The following PCDHGA10 variants were observed in gnomAD, a reference collection of about 807,000 sequenced individuals.
The protein encoded by PCDHGA10 is protocadherin gamma subfamily A, 10.
A neutral mutation model predicts 59.5 loss-of-function variants in PCDHGA10; 42 were observed. The ratio of observed to expected loss-of-function variants is 0.71; its 90% CI spans 0.55 to 0.91. The LOEUF is 0.91. Among genes scored for constraint, PCDHGA10 ranks in the 40% least tolerant of loss-of-function variants. The pLI is 0.00. For missense variants in PCDHGA10, 1,111 were observed against 1,198.2 expected (o/e 0.93, Z 1.07); for synonymous variants, 511 against 517.2 (o/e 0.99, Z 0.16).
chr5:141,449,256 A>C (rs929920180), intron 1 of PCDHGA10, among the ~76,000 whole-genome samples: 5 of 152,176 alleles, frequency 3.3e-5, no homozygotes, highest in Non-Finnish European at 5.9e-5. Context: ...CAAGAATTGT[A>C]CAAAGAACTG....
At chr5:141,475,959 A>T (rs963363028) in intron 1 of PCDHGA10, 15 of 817,720 alleles carry the variant, frequency 1.8e-5, no homozygotes, top group East Asian at 2.6e-5. Context: ...GCGCCCCGGG[A>T]TGAGGCAGAG....
At chr5:141,461,388 A>T (rs1025976806) in intron 1 of PCDHGA10, among the ~76,000 whole-genome samples, 5 of 152,164 alleles carry the variant, frequency 3.3e-5, no homozygotes, top group Admixed American at 6.5e-5. Context: ...CCTGATGATT[A>T]GCGATGTTGA....
intron 1 of PCDHGA10, chr5:141,423,051 C>T (rs200022455): frequency 1.7e-5 from 28 of 1,614,084 alleles, no homozygotes; most frequent in Non-Finnish European, 2.3e-5. Context: ...TGTCCTATCG[C>T]CTGCTTAAGG....
rs756549446 is a variant in PCDHGA10 at position 141,477,301 on chromosome 5, C to G, written c.2437-17506C>G. 32 of 1,614,042 alleles carry G rather than the reference C, an allele frequency of 2.0e-5. 2 individuals carry two copies. In the South Asian group the frequency reaches 3.4e-4, roughly 17 times the overall value. On this transcript the variant is annotated intron_variant, in intron 1 of 3. Coordinates refer to ENST00000398610, the MANE Select transcript of PCDHGA10 (RefSeq NM_018913.3). The surrounding 1 kb of genome is among the most constrained non-coding windows in gnomAD (Gnocchi z 4.9). The stretch of plus-strand genomic sequence containing the variant: ...TGACCTGCGAAGTTCCACCGGGTCT[C>G]CCTTTCAGCCTTACTTCTTCCCTCA...
chr5:141,495,384 C>A (rs2099760896), intron 2 of PCDHGA10, among the ~76,000 whole-genome samples: 1 of 152,190 alleles, frequency 6.6e-6, no homozygotes, highest in African/African-American at 2.4e-5. Flanking sequence ...AAGGACTGGG[C>A]GGGGCATGGA....
In PCDHGA10 at chr5:141,414,969, G is replaced by A. The variant is rs764972439; in HGVS notation, c.1794G>A (p.Val598=). 12 of 1,613,954 alleles carry A rather than the reference G, an allele frequency of 7.4e-6. No individual in the cohort carries two copies. Among genetic ancestry groups the A allele is most frequent in the South Asian group, 1.1e-5 (1 of 91,078 alleles). ...ACCTGGTGACCAAGGTGGTGGCGGTGGACAGAGACTCCGGCCAGAACGCCT... is the reference window on the plus strand; with the variant it reads ...ACCTGGTGACCAAGGTGGTGGCGGTAGACAGAGACTCCGGCCAGAACGCCT... ...PGYLVTKVVA[V]DRDSGQNAWL... is the part of the protein sequence containing the mutation. The change falls in exon 1 of 4, where the codon GTG becomes GTA. Residue 598 remains valine (V), a synonymous_variant. Transcript: ENST00000398610.
intron 1 of PCDHGA10, among the ~76,000 whole-genome samples, chr5:141,433,680 A>G (rs570459317): frequency 1.3e-5 from 2 of 152,236 alleles, no homozygotes; most frequent in African/African-American, 4.8e-5. Context: ...TACTAAAAAA[A>G]TACAAAATTA....
intron 1 of PCDHGA10, among the ~76,000 whole-genome samples, chr5:141,480,874 G>A (rs1487409799): frequency 2.6e-5 from 4 of 151,950 alleles, no homozygotes; most frequent in African/African-American, 7.3e-5. Context: ...GTGAAACCCC[G>A]TCTCTACTAA....
intron 1 of PCDHGA10, chr5:141,416,401 T>C (rs2096020867): frequency 6.6e-6 from 1 of 152,204 alleles, no homozygotes; most frequent in African/African-American, 2.4e-5. Context: ...TGCTTTTGTC[T>C]TTTTTGTTAA....
At chr5:141,419,023 A>T (rs768427376) in intron 1 of PCDHGA10, 2 of 1,613,958 alleles carry the variant, frequency 1.2e-6, no homozygotes, top group Non-Finnish European at 1.7e-6. Flanking sequence ...GCTTAAGTAG[A>T]GGTGTTCCAT....
intron 1 of PCDHGA10, chr5:141,421,959 A>T: frequency 6.2e-7 from 1 of 1,612,798 alleles, no homozygotes; most frequent in Non-Finnish European, 8.5e-7. Flanking sequence ...CAATGTTTAC[A>T]CAGTCCGTAT....
chr5:141,500,444 C>T (rs1032064705), intron 2 of PCDHGA10, among the ~76,000 whole-genome samples: 3 of 151,370 alleles, frequency 2.0e-5, no homozygotes, highest in African/African-American at 4.9e-5. Context: ...CTCCTGACCT[C>T]GTGATCCGCC....
chr5:141,489,084 C>G lies in PCDHGA10; in HGVS notation c.2437-5723C>G. ...CTCCCCCCTGCCCACCCCCGCCACT[C>G]GGTGACTAAGAACTGCTGCAAGCAG... On this transcript the variant is annotated intron_variant, in intron 1 of 3. Transcript: ENST00000398610. This position sits in a 1 kb window ranked among gnomAD's most constrained non-coding sequence, Gnocchi z 4.5. 6.1e-6 allele frequency: 2 copies of G among 329,126 alleles called. No homozygotes were observed. The highest frequency in any genetic ancestry group is 2.5e-5 in the African/African-American group (1 of 40,384). 20.4% of individuals were successfully genotyped at this position (329,126 alleles called of 1,614,324 possible). A position where few individuals can be genotyped will look rare whatever the true frequency, so the allele number is the denominator to read the frequency against.
chr5:141,427,807 A>T (rs1443881781), intron 1 of PCDHGA10: 2 of 1,521,932 alleles, frequency 1.3e-6, no homozygotes, highest in East Asian at 2.3e-5. Flanking sequence ...GTGAGCGCAC[A>T]GAGCGGGGTG....
At chr5:141,494,648 T>G in intron 1 of PCDHGA10, 159 bp from the exon 2 acceptor site, 1 of 946,506 alleles carries the variant, frequency 1.1e-6, no homozygotes, top group Non-Finnish European at 1.3e-6. Flanking sequence ...ACCTGAGGTG[T>G]ATTTTGTCTT....
chr5:141,491,747 G>C lies in PCDHGA10; in HGVS notation c.2437-3060G>C. 6.3e-7 allele frequency: 1 copy of C among 1,591,872 alleles called. No homozygotes were observed. The highest frequency in any genetic ancestry group is 8.5e-7 in the Non-Finnish European group (1 of 1,170,328). ...CGGGCGACCCCTGGGGGCGGCACTG[G>C]AGAAGCCGCCCGTCCTCATAAGGGA... On this transcript the variant is annotated intron_variant, in intron 1 of 3. Transcript: ENST00000398610. This position sits in a 1 kb window ranked among gnomAD's most constrained non-coding sequence, Gnocchi z 6.9.
chr5:141,494,832 G>T lies in PCDHGA10; in HGVS notation c.2462G>T (p.Arg821Leu). 1 of 1,614,066 alleles carries T rather than the reference G, an allele frequency of 6.2e-7. No homozygotes were observed. ...CAAGCCCCGCCCAACACGGACTGGCGTTTCTCTCAGGCCCAGAGACCCGGC... is the reference window on the plus strand; with the variant it reads ...CAAGCCCCGCCCAACACGGACTGGCTTTTCTCTCAGGCCCAGAGACCCGGC... The part of the protein sequence containing the change: ...VPQAPPNTDW[R>L]FSQAQRPGTS... The change falls in exon 2 of 4, where the codon CGT becomes CTT. Residue 821 changes from arginine to leucine, a missense_variant. Transcript: ENST00000398610.
rs57426385 is a variant in PCDHGA10 at position 141,415,740 on chromosome 5, G to GTTTTTTTTTTTTTT, written c.2436+148_2436+161dup. 1.9e-4 allele frequency: 117 copies of GTTTTTTTTTTTTTT among 625,018 alleles called. 7 individuals are homozygous for GTTTTTTTTTTTTTT. Among genetic ancestry groups the GTTTTTTTTTTTTTT allele is most frequent in the African/African-American group, 5.0e-4 (20 of 39,930 alleles). 38.7% of individuals were successfully genotyped at this position (625,018 alleles called of 1,614,324 possible). A position where few individuals can be genotyped will look rare whatever the true frequency, so the allele number is the denominator to read the frequency against. On this transcript the variant is annotated intron_variant, in intron 1 of 3. Coordinates refer to ENST00000398610, the MANE Select transcript of PCDHGA10 (RefSeq NM_018913.3). ...TGAGTAGAATTTGATGTTTATTAAGGTTTTTTTTTTTTTTTTTTTTTTTTT... is the reference window on the plus strand; with the variant it reads ...TGAGTAGAATTTGATGTTTATTAAGGTTTTTTTTTTTTTTTTTTTTTTTTTTTTTTTTTTTTTTT...
chr5:141,511,361 G>C lies in PCDHGA10; in HGVS notation c.*188G>C, dbSNP rs2099883750. 7.4e-7 allele frequency: 1 copy of C among 1,345,388 alleles called. No individual in the cohort carries two copies. Among genetic ancestry groups the C allele is most frequent in the Non-Finnish European group, 9.9e-7 (1 of 1,006,550 alleles). The allele number at this position is 1,345,388 out of a possible 1,614,324, so 83.3% of individuals were successfully genotyped here. On this transcript the variant is annotated 3_prime_UTR_variant, in exon 4 of 4. Transcript: ENST00000398610. ...CCTACCCCTTCCCCCCCAGGGGGTTGAATATGCAAAAGCAGTTCCGCTGGG... is the reference window on the plus strand; with the variant it reads ...CCTACCCCTTCCCCCCCAGGGGGTTCAATATGCAAAAGCAGTTCCGCTGGG...
Sources: gnomAD v4.1 joint callset for allele counts (sites outside exome capture counted in the v4.1 genomes callset) on GRCh38, gnomAD v4.1.1 for gene constraint, Gnocchi (gnomAD v3.1) non-coding constraint, MANE v1.5 for transcripts, NCBI Gene and HGNC (gene_info 2026-07-23, HGNC 2026-07-21) for gene names.